The following EIF2B3 variants were observed in gnomAD, a reference collection of about 807,000 sequenced individuals.
The protein encoded by EIF2B3 is translation initiation factor eIF2B subunit gamma.
A neutral mutation model predicts 54.1 loss-of-function variants in EIF2B3; 20 were observed. That is an observed-to-expected ratio of 0.37 (90% CI 0.26 to 0.54). EIF2B3 has a LOEUF of 0.54. Among genes scored for constraint, EIF2B3 ranks in the 20% least tolerant of loss-of-function variants. The pLI is 0.86. For synonymous variants in EIF2B3, 153 were observed against 188.1 expected, an observed-to-expected ratio of 0.81 and a Z score of 1.52; for missense variants, 448 against 547.8, an observed-to-expected ratio of 0.82 and a Z score of 1.82.
chr1:44,946,187 A>G (rs1360583386), intron 3 of EIF2B3, among the ~76,000 whole-genome samples: 1 of 152,158 alleles, frequency 6.6e-6, no homozygotes, highest in East Asian at 1.9e-4. Flanking sequence ...ATCTGTTCTT[A>G]GTGTGAAAAG....
rs567221646 is a variant in EIF2B3, at chr1:44,960,854, C to T, written c.294+17461G>A. On this transcript the variant is annotated intron_variant, in intron 3 of 11. Coordinates refer to ENST00000360403, the MANE Select transcript of EIF2B3 (RefSeq NM_020365.5). Reference sequence around the variant, plus strand: ...CCAATACCCCAAAGATACCAAAGGACGACTGTATTTTAAAATAAAGCTACT... The same window carrying T: ...CCAATACCCCAAAGATACCAAAGGATGACTGTATTTTAAAATAAAGCTACT... Among the ~76,000 whole-genome samples, 14 of 152,182 alleles carry T rather than the reference C, an allele frequency of 9.2e-5. No homozygotes were observed. In the South Asian group the frequency reaches 1.7e-3, roughly 18 times the overall value.
chr1:44,963,693 T>G (rs79385839), intron 3 of EIF2B3, among the ~76,000 whole-genome samples: 1 of 152,182 alleles, frequency 6.6e-6, no homozygotes, highest in Non-Finnish European at 1.5e-5. Flanking sequence ...TAAATTGTAC[T>G]GCACCTTTCC....
At chr1:44,956,020 A>G (rs1644220762) in intron 3 of EIF2B3, among the ~76,000 whole-genome samples, 1 of 152,178 alleles carries the variant, frequency 6.6e-6, no homozygotes, top group Admixed American at 6.5e-5. Context: ...CTGGGTATAT[A>G]CCCAAAGGAT....
chr1:44,874,690 G>A lies in EIF2B3; in HGVS notation c.1190C>T (p.Thr397Ile). Residue 397 changes from threonine (T) to isoleucine (I), a missense_variant, in exon 10 of 12, where the codon ACT (threonine) becomes ATT (isoleucine). Transcript: ENST00000360403. ...GGGGGAAACATACCCTTCCTCCACA[G>A]TGACTGAGTTCATGAGAAGGCAATT... ...ITNCLLMNSV[T>I]VEEGSNIQGS... The A allele has an allele frequency of 6.2e-7, 1 of 1,614,158 alleles. No individual in the cohort carries two copies.
At chr1:44,913,111 A>G (rs1457001723) in intron 5 of EIF2B3, among the ~76,000 whole-genome samples, 1 of 63,414 alleles carries the variant, frequency 1.6e-5, no homozygotes, top group Non-Finnish European at 2.8e-5. Flanking sequence ...GTTTTTGTTA[A>G]AAAAAAAAAA....
At chr1:44,875,537 G>T in intron 9 of EIF2B3, 81 bp downstream of exon 9, 1 of 1,323,730 alleles carries the variant, frequency 7.6e-7, no homozygotes, top group Non-Finnish European at 1.1e-6. Context: ...GGACTTAAAG[G>T]CCTCAATCCG....
At chr1:44,886,526 GAGA>G (rs1467806246) in intron 6 of EIF2B3, among the ~76,000 whole-genome samples, 2 of 152,246 alleles carry the variant, frequency 1.3e-5, no homozygotes, top group Non-Finnish European at 2.9e-5. Flanking sequence ...AATATGGCCT[GAGA>G]AGGACTTCAT....
chr1:44,851,129 A>G (rs1654254450), intron 11 of EIF2B3, 126 bp from the exon 12 acceptor site: 2 of 870,750 alleles, frequency 2.3e-6, no homozygotes, highest in East Asian at 2.7e-5. Context: ...CAGTGGCACA[A>G]TCTCGGCTTA....
At chr1:44,941,371 CT>C in intron 4 of EIF2B3, 134 bp downstream of exon 4, 1 of 1,059,320 alleles carries the variant, frequency 9.4e-7, no homozygotes. Context: ...TCTTATTTGA[CT>C]TTATGTCATC....
chr1:44,946,458 G>C (rs1330487803), intron 3 of EIF2B3, among the ~76,000 whole-genome samples: 1 of 90,710 alleles, frequency 1.1e-5, no homozygotes, highest in Admixed American at 9.6e-5. Context: ...TTTTTTTTGA[G>C]ACAGGGTCTC....
At chr1:44,926,145 T>C (rs1353828050) in intron 5 of EIF2B3, among the ~76,000 whole-genome samples, 1 of 151,952 alleles carries the variant, frequency 6.6e-6, no homozygotes, top group African/African-American at 2.4e-5. Flanking sequence ...GGAGAATCAC[T>C]TGAACCCAGG....
chr1:44,892,246 C>T (rs968437591), intron 6 of EIF2B3, among the ~76,000 whole-genome samples: 1 of 152,172 alleles, frequency 6.6e-6, no homozygotes, highest in Non-Finnish European at 1.5e-5. Flanking sequence ...TGCTTGCTGT[C>T]TCTTTACCCA....
intron 5 of EIF2B3, among the ~76,000 whole-genome samples, chr1:44,902,375 T>A (rs1643322951): frequency 1.3e-5 from 2 of 152,086 alleles, no homozygotes; most frequent in Admixed American, 1.3e-4. Context: ...TTTGTGATAA[T>A]CCTATAGATC....
intron 4 of EIF2B3, among the ~76,000 whole-genome samples, chr1:44,940,059 G>A (rs182477585): frequency 9.9e-5 from 15 of 152,192 alleles, no homozygotes; most frequent in Admixed American, 7.2e-4. Flanking sequence ...CAATTAATCT[G>A]CACCAGTGAT....
At chr1:44,936,028 C>G (rs1423415176) in intron 4 of EIF2B3, among the ~76,000 whole-genome samples, 1 of 150,944 alleles carries the variant, frequency 6.6e-6, no homozygotes, top group Non-Finnish European at 1.5e-5. Flanking sequence ...AAGCTGATCT[C>G]TTCACCCTTT....
intron 11 of EIF2B3, among the ~76,000 whole-genome samples, chr1:44,851,315 T>G (rs1654260627): frequency 1.3e-5 from 2 of 152,152 alleles, no homozygotes; most frequent in African/African-American, 4.8e-5. Context: ...TCTGCCAGCC[T>G]CAGCCTCCCA....
chr1:44,983,375 A>T (rs985450617), intron 1 of EIF2B3, among the ~76,000 whole-genome samples: 2 of 152,234 alleles, frequency 1.3e-5, no homozygotes, highest in African/African-American at 4.8e-5. Context: ...TGGGCCCAGC[A>T]CATCAACATC....
intron 4 of EIF2B3, among the ~76,000 whole-genome samples, chr1:44,927,556 A>C (rs1044320325): frequency 6.6e-6 from 1 of 152,190 alleles, no homozygotes; most frequent in African/African-American, 2.4e-5. Context: ...GGAACATCCA[A>C]ACTATACCAA....
chr1:44,957,069 CTA>C (rs1245696263), intron 3 of EIF2B3, among the ~76,000 whole-genome samples: 1 of 152,088 alleles, frequency 6.6e-6, no homozygotes, highest in Non-Finnish European at 1.5e-5. Context: ...TCGAGACTAG[CTA>C]GCCTAGGCAA....
Sources: allele counts gnomAD v4.1 joint callset (sites outside exome capture counted in the v4.1 genomes callset), GRCh38; gene constraint gnomAD v4.1.1; transcripts MANE v1.5; gene names NCBI Gene and HGNC (gene_info 2026-07-23, HGNC 2026-07-21).